ERBB4: variants seen among roughly 807,000 people sequenced by gnomAD.
ERBB4 encodes receptor tyrosine-protein kinase erbB-4.
A neutral mutation model predicts 158.0 loss-of-function variants in ERBB4; 42 were observed. That is an observed-to-expected ratio of 0.27 (90% CI 0.21 to 0.34). ERBB4 has a LOEUF of 0.34. Ranked by LOEUF, ERBB4 falls within the 10% of genes least tolerant of loss-of-function variation. The probability of loss-of-function intolerance (pLI) is 1.00; values close to 1 mark genes in which losing one functional copy is unlikely to be tolerated. For synonymous variants in ERBB4, 583 were observed against 558.7 expected (o/e 1.04, Z -0.61); for missense variants, 1,333 against 1,624.1 (o/e 0.82, Z 3.08).
At chr2:211,803,225 A>G (rs1202908510) in intron 3 of ERBB4, among the ~76,000 whole-genome samples, 2 of 152,206 alleles carry the variant, frequency 1.3e-5, no homozygotes, top group Non-Finnish European at 2.9e-5. Flanking sequence ...GTCAAAGAAA[A>G]GTCCATCCAA....
chr2:211,804,643 G>A (rs1205870793), intron 3 of ERBB4, among the ~76,000 whole-genome samples: 1 of 152,108 alleles, frequency 6.6e-6, no homozygotes, highest in East Asian at 1.9e-4. Context: ...GTTTTTTAAT[G>A]CTCTATAAAC....
chr2:212,145,440 A>G (rs1489849729), intron 1 of ERBB4, among the ~76,000 whole-genome samples: 1 of 152,204 alleles, frequency 6.6e-6, no homozygotes, highest in Non-Finnish European at 1.5e-5. Context: ...CTCTTCCAGT[A>G]TCAAAATATT....
At chr2:212,079,648 A>G (rs1399308627) in intron 2 of ERBB4, among the ~76,000 whole-genome samples, 1 of 152,108 alleles carries the variant, frequency 6.6e-6, no homozygotes, top group Non-Finnish European at 1.5e-5. Flanking sequence ...CAAACCAAAT[A>G]AATATCATCA....
intron 13 of ERBB4, among the ~76,000 whole-genome samples, chr2:211,676,237 T>C (rs2072065566): frequency 1.3e-5 from 2 of 152,170 alleles, no homozygotes; most frequent in Non-Finnish European, 2.9e-5. Flanking sequence ...ATTGCACCAG[T>C]CTTTTACAAG....
chr2:211,944,100 T>C (rs994190446), intron 3 of ERBB4, among the ~76,000 whole-genome samples: 166 of 115,080 alleles, frequency 1.4e-3, no homozygotes, highest in Admixed American at 2.9e-3. Context: ...TATATATACA[T>C]GGTTACACTA....
intron 12 of ERBB4, among the ~76,000 whole-genome samples, chr2:211,693,816 G>A (rs1178514123): frequency 6.6e-6 from 1 of 152,074 alleles, no homozygotes; most frequent in Admixed American, 6.6e-5. Context: ...CCAGGTGTTC[G>A]CAGGCTAGTT....
chr2:211,413,405 G>T (rs2063312561), intron 25 of ERBB4, among the ~76,000 whole-genome samples: 1 of 149,954 alleles, frequency 6.7e-6, no homozygotes, highest in African/African-American at 2.4e-5. Flanking sequence ...GTCATAGGGA[G>T]GATCTTAAGA....
intron 20 of ERBB4, among the ~76,000 whole-genome samples, chr2:211,538,822 T>C (rs961289589): frequency 6.6e-6 from 1 of 151,888 alleles, no homozygotes; most frequent in Non-Finnish European, 1.5e-5. Flanking sequence ...GTAATGTGAA[T>C]ATGAATATGT....
chr2:212,416,788 C>A (rs1308097443), intron 1 of ERBB4, among the ~76,000 whole-genome samples: 1 of 152,102 alleles, frequency 6.6e-6, no homozygotes, highest in East Asian at 1.9e-4. Flanking sequence ...ACAATGACAC[C>A]TTTATCTTTC....
chr2:212,388,212 T>G (rs1482734667), intron 1 of ERBB4, among the ~76,000 whole-genome samples: 4 of 152,062 alleles, frequency 2.6e-5, no homozygotes, highest in African/African-American at 9.7e-5. Context: ...TAGGAAGAAG[T>G]AAATGATTTT....
chr2:211,401,681 T>G (rs1439466374), intron 25 of ERBB4, among the ~76,000 whole-genome samples: 1 of 152,026 alleles, frequency 6.6e-6, no homozygotes, highest in Non-Finnish European at 1.5e-5. Context: ...CTTTTGTAGA[T>G]TTTAAAAACA....
chr2:212,050,199 T>G (rs2077364206), intron 2 of ERBB4, among the ~76,000 whole-genome samples: 1 of 152,176 alleles, frequency 6.6e-6, no homozygotes, highest in Admixed American at 6.6e-5. Context: ...AGGGTATGTC[T>G]GTCTGAATAA....
intron 2 of ERBB4, among the ~76,000 whole-genome samples, chr2:211,974,954 C>T (rs2081562277): frequency 6.6e-6 from 1 of 151,926 alleles, no homozygotes; most frequent in African/African-American, 2.4e-5. Flanking sequence ...CTTCATAATG[C>T]TCATTAAACT....
intron 1 of ERBB4, among the ~76,000 whole-genome samples, chr2:212,519,524 C>T (rs1250596399): frequency 6.6e-6 from 1 of 151,560 alleles, no homozygotes; most frequent in Non-Finnish European, 1.5e-5. Context: ...GAACATCACA[C>T]ACCAGGGCAT....
intron 3 of ERBB4, among the ~76,000 whole-genome samples, chr2:211,839,130 A>G (rs1346453228): frequency 7.4e-6 from 1 of 134,366 alleles, no homozygotes; most frequent in Non-Finnish European, 1.6e-5. Flanking sequence ...AGAGAGAGAG[A>G]GAGGGAGAGA....
chr2:211,590,727 T>G (rs2068434746), intron 19 of ERBB4, among the ~76,000 whole-genome samples: 1 of 152,154 alleles, frequency 6.6e-6, no homozygotes, highest in African/African-American at 2.4e-5. Flanking sequence ...TGGCTCTGCG[T>G]TAATTACTCT....
At chr2:211,415,310 G>T (rs1338327159) in intron 25 of ERBB4, among the ~76,000 whole-genome samples, 1 of 151,446 alleles carries the variant, frequency 6.6e-6, no homozygotes, top group Non-Finnish European at 1.5e-5. Context: ...TAGTAGAGGC[G>T]GGGTTTCACC....
At position 212,328,388 on chromosome 2, in the gene ERBB4, C is replaced by T. The variant is rs185706841; in HGVS notation, c.83-203485G>A. On this transcript the variant is annotated intron_variant, in intron 1 of 27. Transcript: ENST00000342788. ...CCCAGACTTGTATACGACTTAGCAC[C>T]GCTTCTGCTATAATCCATTACTCAG... 1.2e-4 allele frequency among the ~76,000 whole-genome samples: 19 copies of T among 152,080 alleles called. No homozygotes were observed. In the East Asian group the frequency reaches 3.5e-3, roughly 28 times the overall value.
intron 19 of ERBB4, among the ~76,000 whole-genome samples, chr2:211,607,775 A>G (rs546812055): frequency 6.6e-6 from 1 of 152,294 alleles, no homozygotes; most frequent in East Asian, 1.9e-4. Flanking sequence ...AATAGACTCA[A>G]ATAAGTATAG....
Sources: gnomAD v4.1 joint callset for allele counts (sites outside exome capture counted in the v4.1 genomes callset) on GRCh38, gnomAD v4.1.1 for gene constraint, MANE v1.5 for transcripts, NCBI Gene and HGNC (gene_info 2026-07-23, HGNC 2026-07-21) for gene names.